CDC42BPA: variants seen among roughly 807,000 people sequenced by gnomAD.
CDC42BPA encodes the protein serine/threonine-protein kinase MRCK alpha.
A neutral mutation model predicts 223.5 loss-of-function variants in CDC42BPA; 80 were observed. The ratio of observed to expected loss-of-function variants is 0.36; its 90% CI spans 0.30 to 0.43. The LOEUF is 0.43. CDC42BPA is among the 20% of genes least tolerant of loss of function. The pLI, the probability that CDC42BPA is intolerant of heterozygous loss-of-function variation, is 1.00. For missense variants in CDC42BPA, 1,743 were observed against 2,099.9 expected (o/e 0.83, Z 3.32); for synonymous variants, 694 against 718.6 (o/e 0.97, Z 0.55).
At chr1:227,040,433 A>T (rs1341548878) in intron 23 of CDC42BPA, among the ~76,000 whole-genome samples, 197 bp from the exon 24 acceptor site, 2 of 152,168 alleles carry the variant, frequency 1.3e-5, no homozygotes, top group Non-Finnish European at 2.9e-5. Flanking sequence ...ACTAAGCTAA[A>T]ATAATTAAGA....
chr1:227,078,767 A>G (rs1192989201), intron 17 of CDC42BPA, among the ~76,000 whole-genome samples: 2 of 152,130 alleles, frequency 1.3e-5, no homozygotes, highest in African/African-American at 2.4e-5. Context: ...TTAAAGTGCT[A>G]TATGTCATGA....
At chr1:227,225,726 T>C (rs1375374042) in intron 2 of CDC42BPA, among the ~76,000 whole-genome samples, 1 of 152,222 alleles carries the variant, frequency 6.6e-6, no homozygotes, top group African/African-American at 2.4e-5. Context: ...GATTTCCAAA[T>C]ATGGGATAAT....
At chr1:227,086,641 C>A (rs1345703331) in intron 16 of CDC42BPA, among the ~76,000 whole-genome samples, 3 of 151,358 alleles carry the variant, frequency 2.0e-5, no homozygotes, top group Non-Finnish European at 4.4e-5. Flanking sequence ...GCTTTGTTAC[C>A]CATTAAAACA....
intron 1 of CDC42BPA, among the ~76,000 whole-genome samples, chr1:227,260,163 C>A (rs1683801182): frequency 6.6e-6 from 1 of 150,850 alleles, no homozygotes; most frequent in Non-Finnish European, 1.5e-5. Flanking sequence ...TAACAAGTTG[C>A]CTCTTTATTC....
intron 5 of CDC42BPA, among the ~76,000 whole-genome samples, chr1:227,171,752 G>A (rs542904601): frequency 1.3e-5 from 2 of 152,054 alleles, no homozygotes; most frequent in South Asian, 2.1e-4. Context: ...ACCAAAATGC[G>A]GATACGACAT....
At chr1:227,125,732 C>A (rs561425998) in intron 11 of CDC42BPA, among the ~76,000 whole-genome samples, 1 of 152,040 alleles carries the variant, frequency 6.6e-6, no homozygotes, top group South Asian at 2.1e-4. Flanking sequence ...CTACCTCCAA[C>A]CTGGGTTGGG....
Position 227,072,309 on chromosome 1 carries a change from G to C in CDC42BPA, c.2736-10C>G, listed in dbSNP as rs745966478. 5.5e-6 allele frequency: 8 copies of C among 1,466,322 alleles called. 1 individual carries two copies. The highest frequency in any genetic ancestry group is 6.7e-6 in the Non-Finnish European group (7 of 1,051,922). 90.8% of individuals were successfully genotyped at this position (1,466,322 alleles called of 1,614,324 possible). A position where few individuals can be genotyped will look rare whatever the true frequency, so the allele number is the denominator to read the frequency against. On this transcript the variant is annotated splice_polypyrimidine_tract_variant and intron_variant, in intron 19 of 36. Transcript: ENST00000366766. ...TGAATCTTTTAGTTTACTTAAATAA[G>C]GAGAAAAAAGGAAAAATGTCATTAA...
chr1:227,140,401 A>G (rs1393779054), intron 9 of CDC42BPA, among the ~76,000 whole-genome samples: 1 of 152,150 alleles, frequency 6.6e-6, no homozygotes, highest in Non-Finnish European at 1.5e-5. Flanking sequence ...AAGTTAGGAA[A>G]GCTGTCACTG....
chr1:227,147,590 T>C (rs1660915395), intron 6 of CDC42BPA, 31 bp from the exon 7 acceptor site: 2 of 1,240,100 alleles, frequency 1.6e-6, no homozygotes. Context: ...ATTAATCTCC[T>C]ATATTAGAAA....
rs1553388919 is a variant in CDC42BPA at position 227,196,338 on chromosome 1, C to CTTTTTTTTTTTTTTTTCTTTTTTT, written c.451-2405_451-2404insAAAAAAAGAAAAAAAAAAAAAAAA. On this transcript the variant is annotated intron_variant, in intron 4 of 36. Transcript: ENST00000366766. ...GCTTTCTTTTTACTATTAAACAATA[C>CTTTTTTTTTTTTTTTTCTTTTTTT]TTTTTTTTTTTTTTTTTTTGAGACA... Among the ~76,000 whole-genome samples, 397 of 92,282 alleles carry CTTTTTTTTTTTTTTTTCTTTTTTT rather than the reference C, an allele frequency of 4.3e-3. 1 individual carries two copies. The highest frequency in any genetic ancestry group is 6.4e-3 in the Non-Finnish European group (334 of 51,822). The allele number at this position is 92,282 out of a possible 152,430, so 60.5% of individuals were successfully genotyped here. A position where few individuals can be genotyped will look rare whatever the true frequency, so the allele number is the denominator to read the frequency against.
chr1:227,025,427 C>G (rs1432514301), intron 31 of CDC42BPA, among the ~76,000 whole-genome samples: 1 of 152,118 alleles, frequency 6.6e-6, no homozygotes, highest in Non-Finnish European at 1.5e-5. Context: ...TTCACATATT[C>G]TCTAAACCCT....
chr1:227,317,388 T>C lies in CDC42BPA; in HGVS notation c.-206A>G, dbSNP rs1358932162. 6.5e-6 allele frequency: 3 copies of C among 463,512 alleles called. No individual in the cohort carries two copies. Among genetic ancestry groups the C allele is most frequent in the African/African-American group, 4.1e-5 (2 of 48,392 alleles). 28.7% of individuals were successfully genotyped at this position (463,512 alleles called of 1,614,324 possible). A position where few individuals can be genotyped will look rare whatever the true frequency, so the allele number is the denominator to read the frequency against. ...GTCTTCAATTTCACCCATATACATA[T>C]ATTTTGAGGGTAAATTACCATAAAA... On this transcript the variant is annotated 5_prime_UTR_variant, in exon 1 of 37. In the 5' UTR this introduces an upstream ATG that the reference lacks. Coordinates refer to ENST00000366766, the MANE Select transcript of CDC42BPA (RefSeq NM_001394014.1).
chr1:227,270,840 G>GT (rs1685846283), intron 1 of CDC42BPA, among the ~76,000 whole-genome samples: 1 of 152,110 alleles, frequency 6.6e-6, no homozygotes, highest in Non-Finnish European at 1.5e-5. Context: ...CCAGAATCAT[G>GT]TATGTCTGGC....
intron 11 of CDC42BPA, among the ~76,000 whole-genome samples, chr1:227,121,030 G>A (rs1190968532): frequency 6.6e-6 from 1 of 152,198 alleles, no homozygotes; most frequent in African/African-American, 2.4e-5. Flanking sequence ...TGATCTGACA[G>A]GAGGTGGAGC....
At chr1:227,180,228 A>G (rs1402938130) in intron 5 of CDC42BPA, among the ~76,000 whole-genome samples, 1 of 152,066 alleles carries the variant, frequency 6.6e-6, no homozygotes, top group African/African-American at 2.4e-5. Context: ...CAATCAATCA[A>G]TCTGCCTTTG....
At chr1:227,265,177 G>T in intron 1 of CDC42BPA, 1 of 674,196 alleles carries the variant, frequency 1.5e-6, no homozygotes, top group East Asian at 2.6e-5. Flanking sequence ...AGGAAGACCA[G>T]CAGCACAAAC....
chr1:227,095,586 T>G (rs1683823050), intron 15 of CDC42BPA, among the ~76,000 whole-genome samples: 1 of 134,454 alleles, frequency 7.4e-6, no homozygotes. Flanking sequence ...AATAAGTTCT[T>G]TGGTTTTTTT....
In CDC42BPA at chr1:227,243,552, G is replaced by C. The variant is rs1039800733; in HGVS notation, c.270+10512C>G. On this transcript the variant is annotated intron_variant, in intron 2 of 36. Transcript: ENST00000366766. ...TGAGACATCTAAATGTGAAAGGTTT[G>C]TCTTGAAAGATCAAAGAAAGAATTT... is the stretch of plus-strand genomic sequence containing the variant. Among the ~76,000 whole-genome samples the C allele has an allele frequency of 2.2e-4, 34 of 152,114 alleles. 1 individual carries two copies. The highest frequency in any genetic ancestry group is 8.0e-4 in the African/African-American group (33 of 41,424).
At chr1:227,069,372 T>C (rs1209074146) in intron 21 of CDC42BPA, 1 of 154,386 alleles carries the variant, frequency 6.5e-6, no homozygotes, top group African/African-American at 2.4e-5. Context: ...TTTTAAAAGA[T>C]GAATTGATTT....
Sources: gnomAD v4.1 joint callset for allele counts (sites outside exome capture counted in the v4.1 genomes callset) on GRCh38, gnomAD v4.1.1 for gene constraint, MANE v1.5 for transcripts, NCBI Gene and HGNC (gene_info 2026-07-23, HGNC 2026-07-21) for gene names.